The following GABBR2 variants were observed in gnomAD, a reference collection of about 807,000 sequenced individuals.
The protein encoded by GABBR2 is G-protein coupled receptor 51.
Under a neutral mutation model 105.6 loss-of-function variants are expected in GABBR2, and 23 were observed. The ratio of observed to expected loss-of-function variants is 0.22; its 90% CI spans 0.16 to 0.31. The LOEUF is 0.31. Ranked by LOEUF, GABBR2 falls within the 10% of genes least tolerant of loss-of-function variation. The probability of loss-of-function intolerance (pLI) is 1.00; values close to 1 mark genes in which losing one functional copy is unlikely to be tolerated. For synonymous variants in GABBR2, 478 were observed against 499.7 expected (o/e 0.96, Z 0.58); for missense variants, 734 against 1,245.5 (o/e 0.59, Z 6.18).
At chr9:98,640,007 A>G (rs1829937300) in intron 1 of GABBR2, among the ~76,000 whole-genome samples, 1 of 151,954 alleles carries the variant, frequency 6.6e-6, no homozygotes, top group Non-Finnish European at 1.5e-5. Flanking sequence ...TTCCCTGGCA[A>G]TTGCCTTATT....
chr9:98,446,369 C>T (rs1826129994), intron 7 of GABBR2, among the ~76,000 whole-genome samples: 1 of 152,204 alleles, frequency 6.6e-6, no homozygotes, highest in Non-Finnish European at 1.5e-5. Flanking sequence ...CGCCACTCTA[C>T]AAATGAGGAA....
intron 1 of GABBR2, among the ~76,000 whole-genome samples, chr9:98,629,776 G>C (rs1829792887): frequency 6.6e-6 from 1 of 152,074 alleles, no homozygotes; most frequent in African/African-American, 2.4e-5. Context: ...GGAAAATTTG[G>C]GACAATGAAC....
At chr9:98,673,116 C>A (rs1160262584) in intron 1 of GABBR2, among the ~76,000 whole-genome samples, 1 of 152,164 alleles carries the variant, frequency 6.6e-6, no homozygotes, top group Non-Finnish European at 1.5e-5. Context: ...GAGATGGTGA[C>A]AATGTCCACA....
At chr9:98,466,552 G>T (rs747921228) in intron 6 of GABBR2, among the ~76,000 whole-genome samples, 4 of 152,140 alleles carry the variant, frequency 2.6e-5, no homozygotes, top group Admixed American at 2.0e-4. Flanking sequence ...TACCCCTAAG[G>T]TTCCTATCCT....
At chr9:98,648,186 C>G (rs1468071998) in intron 1 of GABBR2, among the ~76,000 whole-genome samples, 2 of 151,382 alleles carry the variant, frequency 1.3e-5, no homozygotes, top group African/African-American at 4.9e-5. Flanking sequence ...GGCTGGAGTA[C>G]AGTGGCGCGA....
intron 11 of GABBR2, among the ~76,000 whole-genome samples, chr9:98,376,800 C>A (rs1160674272): frequency 6.6e-6 from 1 of 152,076 alleles, no homozygotes; most frequent in Non-Finnish European, 1.5e-5. Flanking sequence ...GTGCAGGGGG[C>A]AAAGGTGACT....
At chr9:98,644,589 C>A (rs911245039) in intron 1 of GABBR2, among the ~76,000 whole-genome samples, 3 of 152,130 alleles carry the variant, frequency 2.0e-5, no homozygotes, top group Non-Finnish European at 2.9e-5. Flanking sequence ...TGCCTGTAAT[C>A]CCAGCACTTC....
chr9:98,502,856 C>T (rs1827431910), intron 3 of GABBR2, among the ~76,000 whole-genome samples: 1 of 152,224 alleles, frequency 6.6e-6, no homozygotes, highest in Admixed American at 6.5e-5. Context: ...AGCCACTCAC[C>T]ACTTTGGATT....
chr9:98,415,178 C>T (rs1279138120), intron 7 of GABBR2, among the ~76,000 whole-genome samples: 1 of 151,968 alleles, frequency 6.6e-6, no homozygotes, highest in Admixed American at 6.6e-5. Context: ...TGGTTGGTCC[C>T]GGGAGTGTGA....
chr9:98,511,785 A>AC (rs1474245980), intron 3 of GABBR2, among the ~76,000 whole-genome samples: 1 of 152,220 alleles, frequency 6.6e-6, no homozygotes, highest in African/African-American at 2.4e-5. Context: ...AACCAAAAAA[A>AC]TTCCAGGACC....
At chr9:98,302,085 C>G (rs187448360) in intron 16 of GABBR2, among the ~76,000 whole-genome samples, 2 of 152,304 alleles carry the variant, frequency 1.3e-5, no homozygotes, top group East Asian at 3.9e-4. Flanking sequence ...GGTTGTTGAT[C>G]TGAAGTCTGA....
intron 7 of GABBR2, among the ~76,000 whole-genome samples, chr9:98,406,784 G>A (rs1022736536): frequency 1.1e-4 from 17 of 152,164 alleles, no homozygotes; most frequent in African/African-American, 3.6e-4. Context: ...TAAACATAGC[G>A]TTATCTCCTG....
At chr9:98,424,460 T>C (rs1588153468) in intron 7 of GABBR2, among the ~76,000 whole-genome samples, 2 of 152,044 alleles carry the variant, frequency 1.3e-5, no homozygotes, top group African/African-American at 2.4e-5. Flanking sequence ...CTATTCAACA[T>C]AGTGTTGGAA....
intron 7 of GABBR2, among the ~76,000 whole-genome samples, chr9:98,419,455 C>T (rs1287393685): frequency 2.0e-5 from 3 of 151,722 alleles, no homozygotes; most frequent in Admixed American, 6.6e-5. Context: ...CCATGGCCGT[C>T]GGGGGCGGCC....
intron 7 of GABBR2, among the ~76,000 whole-genome samples, chr9:98,449,206 G>A (rs1468249434): frequency 6.6e-6 from 1 of 152,184 alleles, no homozygotes; most frequent in Non-Finnish European, 1.5e-5. Context: ...AAGTTAGGAT[G>A]GCTCCTTGGT....
intron 3 of GABBR2, among the ~76,000 whole-genome samples, chr9:98,499,537 C>T (rs1298834912): frequency 1.3e-5 from 2 of 152,188 alleles, no homozygotes; most frequent in African/African-American, 4.8e-5. Flanking sequence ...AATGGACTTT[C>T]TGGGGAAAGC....
Position 98,388,668 on chromosome 9 carries a change from C to T in GABBR2, c.1529+186G>A, listed in dbSNP as rs969810346. 6.8e-5 allele frequency among the ~76,000 whole-genome samples: 10 copies of T among 147,158 alleles called. No homozygotes were observed. The highest frequency in any genetic ancestry group is 2.0e-4 in the East Asian group (1 of 5,090). Reference sequence around the variant, plus strand: ...GTGTGTGTGTGTGTGTGTGCGTGCACGCACACACACGTACTCACATGCATG... The same window carrying T: ...GTGTGTGTGTGTGTGTGTGCGTGCATGCACACACACGTACTCACATGCATG... On this transcript the variant is annotated intron_variant, in intron 10 of 18. Coordinates refer to ENST00000259455, the MANE Select transcript of GABBR2 (RefSeq NM_005458.8). The surrounding 1 kb of genome is among the most constrained non-coding windows in gnomAD (Gnocchi z 4.4).
At chr9:98,460,340 C>T (rs188124345) in intron 6 of GABBR2, among the ~76,000 whole-genome samples, 1 of 152,264 alleles carries the variant, frequency 6.6e-6, no homozygotes, top group Non-Finnish European at 1.5e-5. Context: ...CACACCGCTG[C>T]ACTCTGGCCT....
intron 13 of GABBR2, among the ~76,000 whole-genome samples, chr9:98,317,863 A>G (rs1286420693): frequency 1.3e-5 from 2 of 152,200 alleles, no homozygotes; most frequent in African/African-American, 4.8e-5. Context: ...GAATACAAAC[A>G]GTGATAAATA....
Sources: gnomAD v4.1 joint callset for allele counts (sites outside exome capture counted in the v4.1 genomes callset) on GRCh38, gnomAD v4.1.1 for gene constraint, Gnocchi (gnomAD v3.1) non-coding constraint, MANE v1.5 for transcripts, NCBI Gene and HGNC (gene_info 2026-07-23, HGNC 2026-07-21) for gene names.